MPHOSPH9: variants seen among roughly 807,000 people sequenced by gnomAD.
The protein encoded by MPHOSPH9 is M-phase phosphoprotein 9.
In MPHOSPH9, 88 loss-of-function variants were observed where a neutral mutation model predicts 145.5. That is an observed-to-expected ratio of 0.60 (90% CI 0.51 to 0.72). The LOEUF (loss-of-function observed/expected upper bound fraction) is 0.72, where lower values mean the gene tolerates loss of function less well. Among genes scored for constraint, MPHOSPH9 ranks in the 30% least tolerant of loss-of-function variants. The pLI is 0.00. For missense variants in MPHOSPH9, 1,238 were observed against 1,386.6 expected, an observed-to-expected ratio of 0.89 and a Z score of 1.70; for synonymous variants, 435 against 486.2, an observed-to-expected ratio of 0.89 and a Z score of 1.39.
intron 15 of MPHOSPH9, among the ~76,000 whole-genome samples, chr12:123,178,048 TC>T (rs1191317510): frequency 6.6e-6 from 1 of 152,124 alleles, no homozygotes; most frequent in Non-Finnish European, 1.5e-5. Flanking sequence ...TGTTCTTTTT[TC>T]CCCCCTTTAA....
chr12:123,239,871 G>A (rs565990760), intron 1 of MPHOSPH9, among the ~76,000 whole-genome samples: 38 of 152,052 alleles, frequency 2.5e-4, no homozygotes, highest in African/African-American at 8.4e-4. Context: ...TTCTTGGGAC[G>A]ATTTCCTTGC....
chr12:123,190,725 A>G (rs920649466), intron 13 of MPHOSPH9, among the ~76,000 whole-genome samples: 41 of 152,236 alleles, frequency 2.7e-4, no homozygotes, highest in African/African-American at 8.4e-4. Flanking sequence ...CATATGTAGT[A>G]AAAGCAAAAA....
rs1371985386 is a variant in MPHOSPH9, at chr12:123,221,783, C to A, written c.461G>T (p.Gly154Val). Residue 154 changes from glycine (G) to valine (V), a missense_variant, in exon 5 of 24, where the codon GGT becomes GTT. By Grantham distance (109) the Gly-to-Val change is moderately radical. Transcript: ENST00000606320. ...NKQVSSESQMGFFSLSSERNE... is the reference protein window; with the variant it reads ...NKQVSSESQMVFFSLSSERNE... ...TCTCTCACTGCTTAGAGAAAAAAAA[C>A]CCATTTGACTTTCCGAAGATACTTG... 14 of 1,614,012 alleles carry A rather than the reference C, an allele frequency of 8.7e-6. No individual in the cohort carries two copies. Among genetic ancestry groups the A allele is most frequent in the East Asian group, 2.2e-5 (1 of 44,874 alleles).
At chr12:123,242,302 A>C (rs1295876321) in intron 1 of MPHOSPH9, among the ~76,000 whole-genome samples, 1 of 152,158 alleles carries the variant, frequency 6.6e-6, no homozygotes, top group Non-Finnish European at 1.5e-5. Flanking sequence ...CTCACGTTTG[A>C]AGAAGGGAAC....
intron 13 of MPHOSPH9, among the ~76,000 whole-genome samples, chr12:123,188,197 C>T (rs1275876146): frequency 4.6e-5 from 7 of 152,050 alleles, no homozygotes; most frequent in African/African-American, 9.7e-5. Context: ...GGATGCAATA[C>T]GTATAACCAT....
Position 123,166,970 on chromosome 12 carries a change from T to C in MPHOSPH9, c.2457-181A>G, listed in dbSNP as rs1451451995. Among the ~76,000 whole-genome samples, 3 of 152,266 alleles carry C rather than the reference T, an allele frequency of 2.0e-5. 1 individual carries two copies. The highest frequency in any genetic ancestry group is 2.0e-4 in the Admixed American group (3 of 15,290). ...TTACAGTTTTATGATTCAACTTAAC[T>C]GTTGTTCTAGGTTTCTGTTACTTCT... On this transcript the variant is annotated intron_variant, in intron 16 of 23. Coordinates refer to ENST00000606320, the MANE Select transcript of MPHOSPH9 (RefSeq NM_022782.4).
intron 15 of MPHOSPH9, 135 bp from the exon 16 acceptor site, chr12:123,176,924 G>T: frequency 1.5e-6 from 1 of 663,166 alleles, no homozygotes; most frequent in Non-Finnish European, 2.6e-6. Context: ...GGGAATGGTG[G>T]CTCACCCCTG....
Position 123,227,529 on chromosome 12 carries a change from T to G in MPHOSPH9, c.192A>C (p.Leu64=). The change falls in exon 3 of 24, where the codon CTA becomes CTC. Residue 64 remains leucine (L), a synonymous_variant. Transcript: ENST00000606320. ...TTTGTAGCTCTTGCATTAAAGAAGT[T>G]AGGACTTCAACTGTACCTTGAATTA... is the stretch of plus-strand genomic sequence containing the variant. ...PSVIQGTVEV[L]TSLMQELQNS... 6.5e-7 allele frequency: 1 copy of G among 1,532,260 alleles called. No homozygotes were observed. Among genetic ancestry groups the G allele is most frequent in the Non-Finnish European group, 8.7e-7 (1 of 1,144,406 alleles). The allele number at this position is 1,532,260 out of a possible 1,614,324, so 94.9% of individuals were successfully genotyped here.
At chr12:123,241,740 A>T (rs1357270923) in intron 1 of MPHOSPH9, among the ~76,000 whole-genome samples, 1 of 152,204 alleles carries the variant, frequency 6.6e-6, no homozygotes, top group Non-Finnish European at 1.5e-5. Flanking sequence ...AGTAGCTGGG[A>T]CTGTAGGCTA....
chr12:123,164,100 A>AC lies in MPHOSPH9; in HGVS notation c.2768-11dup. ...GTTTGCCGAGGATTTACTACAGCAG[A>AC]CCAAAAAAAAGCAAAACAAAAAACA... On this transcript the variant is annotated splice_polypyrimidine_tract_variant and intron_variant, in intron 18 of 23. Transcript: ENST00000606320. 6.2e-7 allele frequency: 1 copy of AC among 1,613,462 alleles called. No homozygotes were observed.
rs773635938 is a variant in MPHOSPH9 at position 123,202,640 on chromosome 12, G to T, written c.1765C>A (p.Pro589Thr). The T allele has an allele frequency of 6.2e-7, 1 of 1,613,382 alleles. No homozygotes were observed. Among genetic ancestry groups the T allele is most frequent in the Non-Finnish European group, 8.5e-7 (1 of 1,179,468 alleles). ...AATACATACTTAGACAATATCACAG[G>T]ATCTTCCAAGGAAGTCAATGAAATG... ...ECISLTSLED[P>T]VILSKIRQNL... Residue 589 changes from proline (P) to threonine (T), a missense_variant, in exon 10 of 24, where the codon CCT becomes ACT. Pro to Thr is a conservative substitution (Grantham distance 38). Around this residue, in one of 3 missense-constraint regions of MPHOSPH9, gnomAD observed 837 missense variants for 897.5 expected, o/e 0.93. Transcript: ENST00000606320.
chr12:123,206,292 A>T (rs1263259107), intron 8 of MPHOSPH9, among the ~76,000 whole-genome samples: 3 of 88,066 alleles, frequency 3.4e-5, no homozygotes, highest in Non-Finnish European at 1.0e-4. Context: ...CTCTACTAAA[A>T]ACAAACAAAC....
intron 11 of MPHOSPH9, among the ~76,000 whole-genome samples, chr12:123,198,809 C>CAAAA (rs35259138): frequency 2.3e-4 from 11 of 48,550 alleles, no homozygotes; most frequent in South Asian, 2.2e-3. Flanking sequence ...GAACCTGTCT[C>CAAAA]AAAAAAAAAA....
At chr12:123,152,568 G>A (rs1437966649), downstream of MPHOSPH9, 1 of 456,530 alleles carries the variant, frequency 2.2e-6, no homozygotes, top group Non-Finnish European at 4.4e-6. Context: ...AGATGACATG[G>A]TACATAATGT....
At chr12:123,210,802 T>TC (rs1313841055) in intron 7 of MPHOSPH9, among the ~76,000 whole-genome samples, 14 of 151,938 alleles carry the variant, frequency 9.2e-5, no homozygotes, top group Non-Finnish European at 1.9e-4. Flanking sequence ...CACTGTGGTC[T>TC]CTTTTTTTGA....
At chr12:123,165,512 G>T (rs768830607) in intron 17 of MPHOSPH9, 35 bp from the exon 18 acceptor site, 2 of 1,572,982 alleles carry the variant, frequency 1.3e-6, no homozygotes, top group Admixed American at 3.4e-5. Context: ...CAGTGCTATG[G>T]ACTAAATGTC....
intron 22 of MPHOSPH9, 105 bp downstream of exon 22, chr12:123,161,030 TC>T: frequency 7.0e-7 from 1 of 1,423,076 alleles, no homozygotes. Flanking sequence ...TGGTATGTTA[TC>T]CCATTGTAAT....
intron 15 of MPHOSPH9, among the ~76,000 whole-genome samples, chr12:123,178,875 G>A (rs2044998003): frequency 6.6e-6 from 1 of 152,140 alleles, no homozygotes; most frequent in South Asian, 2.1e-4. Flanking sequence ...TTACGATTCT[G>A]TCCCTACCTA....
chr12:123,210,219 C>T (rs778345648), intron 7 of MPHOSPH9, 57 bp from the exon 8 acceptor site: 26 of 979,784 alleles, frequency 2.7e-5, no homozygotes, highest in African/African-American at 5.0e-5. Flanking sequence ...AAAATGCTTT[C>T]TAGAATAACA....
Sources: gnomAD v4.1 joint callset for allele counts (sites outside exome capture counted in the v4.1 genomes callset) on GRCh38, gnomAD v4.1.1 for gene constraint, gnomAD v4.1.1 regional missense constraint, MANE v1.5 for transcripts, NCBI Gene and HGNC (gene_info 2026-07-23, HGNC 2026-07-21) for gene names.